Variants in ATXN1 observed in about 807,000 individuals in gnomAD.
ATXN1 encodes the protein ataxin-1.
In ATXN1, 8 loss-of-function variants were observed where a neutral mutation model predicts 56.4. That is an observed-to-expected ratio of 0.14 (90% CI 0.08 to 0.26). ATXN1 has a LOEUF of 0.26. Ranked by LOEUF, ATXN1 falls within the 10% of genes least tolerant of loss-of-function variation. The pLI is 1.00. For missense variants in ATXN1, 987 were observed against 1,106.5 expected, an observed-to-expected ratio of 0.89 and a Z score of 1.53; for synonymous variants, 514 against 494.6, an observed-to-expected ratio of 1.04 and a Z score of -0.52.
In ATXN1 at chr6:16,316,865, C is replaced by CTTTTTTTTTTTTT. The variant is rs375359789; in HGVS notation, c.1917+9516_1917+9528dup. ...AGGGGGCAATAGAGAGACTGCCTGTCTTTTTTTTTTTTTTTTTTTTTTTTT... is the reference window on the plus strand; with the variant it reads ...AGGGGGCAATAGAGAGACTGCCTGTCTTTTTTTTTTTTTTTTTTTTTTTTTTTTTTTTTTTTTT... On this transcript the variant is annotated intron_variant, in intron 7 of 7. Transcript: ENST00000436367. 7.4e-3 allele frequency among the ~76,000 whole-genome samples: 740 copies of CTTTTTTTTTTTTT among 99,404 alleles called. 172 individuals are homozygous for CTTTTTTTTTTTTT. Among genetic ancestry groups the CTTTTTTTTTTTTT allele is most frequent in the African/African-American group, 0.032 (630 of 19,590 alleles). 65.2% of individuals were successfully genotyped at this position (99,404 alleles called of 152,430 possible).
chr6:16,432,137 A>C (rs1306859917), intron 6 of ATXN1, among the ~76,000 whole-genome samples: 1 of 152,230 alleles, frequency 6.6e-6, no homozygotes, highest in Non-Finnish European at 1.5e-5. Flanking sequence ...CCCCTCCTCC[A>C]AAAGTATTTA....
At chr6:16,692,587 TTCATA>T (rs2113420624) in intron 2 of ATXN1, among the ~76,000 whole-genome samples, 1 of 152,306 alleles carries the variant, frequency 6.6e-6, no homozygotes, top group South Asian at 2.1e-4. Flanking sequence ...TGGAAAACAT[TTCATA>T]TAATTTTGGC....
At chr6:16,519,286 T>A (rs1321219156) in intron 5 of ATXN1, among the ~76,000 whole-genome samples, 1 of 152,192 alleles carries the variant, frequency 6.6e-6, no homozygotes, top group African/African-American at 2.4e-5. Context: ...TGGTAAAGAT[T>A]TTTAAAAATG....
intron 5 of ATXN1, among the ~76,000 whole-genome samples, chr6:16,521,098 T>C (rs236940): frequency 0.73 from 111,621 of 152,074 alleles, 42,169 homozygotes; most frequent in African/African-American, 0.9. Context: ...GAACACAATT[T>C]GAAGCCAGAT....
chr6:16,663,308 G>A (rs904381396), intron 2 of ATXN1, among the ~76,000 whole-genome samples: 1 of 152,046 alleles, frequency 6.6e-6, no homozygotes, highest in Admixed American at 6.6e-5. Context: ...ATTTTCAGTT[G>A]GCAATAGAAA....
rs769586117 is a variant in ATXN1 at position 16,302,820 on chromosome 6, C to T, written c.*3509G>A. ...TAAATATTGCAAAGTGGACATAGTACAGAGGCACATGGCTGATCCTTGTAA... is the reference window on the plus strand; with the variant it reads ...TAAATATTGCAAAGTGGACATAGTATAGAGGCACATGGCTGATCCTTGTAA... On this transcript the variant is annotated 3_prime_UTR_variant, in exon 8 of 8. Transcript: ENST00000436367. 6.6e-6 allele frequency: 1 copy of T among 152,646 alleles called. No individual in the cohort carries two copies. Among genetic ancestry groups the T allele is most frequent in the Non-Finnish European group, 1.5e-5 (1 of 68,050 alleles). 9.5% of individuals were successfully genotyped at this position (152,646 alleles called of 1,614,324 possible). A position where few individuals can be genotyped will look rare whatever the true frequency, so the allele number is the denominator to read the frequency against.
At chr6:16,461,199 C>A (rs565129360) in intron 6 of ATXN1, among the ~76,000 whole-genome samples, 11 of 152,338 alleles carry the variant, frequency 7.2e-5, no homozygotes, top group African/African-American at 2.6e-4. Context: ...CAACCCCCTC[C>A]AAGAGATTAA....
intron 5 of ATXN1, among the ~76,000 whole-genome samples, chr6:16,491,195 C>G (rs2113662205): frequency 7.1e-6 from 1 of 141,212 alleles, no homozygotes; most frequent in East Asian, 2.2e-4. Flanking sequence ...CGAGTTCAAG[C>G]AATACTCCTG....
At chr6:16,602,337 C>T (rs2113781421) in intron 3 of ATXN1, among the ~76,000 whole-genome samples, 1 of 151,762 alleles carries the variant, frequency 6.6e-6, no homozygotes. Context: ...GTTTTTGCTC[C>T]GCCCACCAAA....
intron 6 of ATXN1, among the ~76,000 whole-genome samples, chr6:16,344,629 GGGCCTT>G (rs1270953551): frequency 6.6e-6 from 1 of 152,210 alleles, no homozygotes; most frequent in Non-Finnish European, 1.5e-5. Context: ...CAGGGCTCTT[GGGCCTT>G]TGGCCACAGG....
At chr6:16,471,458 T>A (rs560769232) in intron 6 of ATXN1, among the ~76,000 whole-genome samples, 17 of 152,142 alleles carry the variant, frequency 1.1e-4, no homozygotes, top group Non-Finnish European at 2.4e-4. Context: ...AATCTAGATA[T>A]GTGAATGATG....
intron 6 of ATXN1, among the ~76,000 whole-genome samples, chr6:16,481,443 A>AT (rs1438780385): frequency 1.3e-5 from 2 of 152,176 alleles, no homozygotes; most frequent in East Asian, 3.8e-4. Context: ...TTCAGCTCCC[A>AT]TTTTTTAAGA....
chr6:16,399,952 T>C (rs560882531), intron 6 of ATXN1, among the ~76,000 whole-genome samples: 21 of 152,292 alleles, frequency 1.4e-4, no homozygotes, highest in African/African-American at 4.8e-4. Flanking sequence ...AAGATGCTTG[T>C]TTCCTTGACC....
chr6:16,396,203 C>T (rs1397361954), intron 6 of ATXN1, among the ~76,000 whole-genome samples: 1 of 151,712 alleles, frequency 6.6e-6, no homozygotes, highest in Non-Finnish European at 1.5e-5. Context: ...CCATCATGAC[C>T]CTGTGTGGGG....
intron 2 of ATXN1, among the ~76,000 whole-genome samples, chr6:16,731,096 A>G (rs749802042): frequency 6.6e-6 from 1 of 152,210 alleles, no homozygotes; most frequent in African/African-American, 2.4e-5. Flanking sequence ...AAGACACTGT[A>G]TAACTGGCTC....
intron 2 of ATXN1, among the ~76,000 whole-genome samples, chr6:16,689,399 A>G (rs1362018257): frequency 6.6e-6 from 1 of 152,022 alleles, no homozygotes; most frequent in Admixed American, 6.6e-5. Context: ...CTACAGCCAC[A>G]AACTCCTGGG....
chr6:16,555,431 C>T (rs1302153682), intron 4 of ATXN1, among the ~76,000 whole-genome samples: 1 of 152,222 alleles, frequency 6.6e-6, no homozygotes, highest in Non-Finnish European at 1.5e-5. Context: ...ATGCTTTTGG[C>T]TCTGAGGCCC....
chr6:16,744,547 G>A (rs1217361169), intron 2 of ATXN1, among the ~76,000 whole-genome samples: 3 of 152,164 alleles, frequency 2.0e-5, no homozygotes, highest in Non-Finnish European at 4.4e-5. Context: ...AGCAACGGAG[G>A]GTTGAGAACT....
At chr6:16,728,329 C>T (rs760026895) in intron 2 of ATXN1, among the ~76,000 whole-genome samples, 5 of 152,156 alleles carry the variant, frequency 3.3e-5, no homozygotes, top group Non-Finnish European at 5.9e-5. Context: ...CTTTCCGTCC[C>T]GGAGAAGTGG....
Sources: gnomAD v4.1 joint callset for allele counts (sites outside exome capture counted in the v4.1 genomes callset) on GRCh38, gnomAD v4.1.1 for gene constraint, MANE v1.5 for transcripts, NCBI Gene and HGNC (gene_info 2026-07-23, HGNC 2026-07-21) for gene names.